The following DAB1 variants were observed in gnomAD, a reference collection of about 807,000 sequenced individuals.
DAB1 encodes disabled homolog 1.
In DAB1, 15 loss-of-function variants were observed where a neutral mutation model predicts 64.6. That is an observed-to-expected ratio of 0.23 (90% CI 0.16 to 0.36). The LOEUF is 0.36. Ranked by LOEUF, DAB1 falls within the 10% of genes least tolerant of loss-of-function variation. DAB1 has a pLI of 1.00. For missense variants in DAB1, 596 were observed against 706.7 expected (o/e 0.84, Z 1.78); for synonymous variants, 235 against 251.9 (o/e 0.93, Z 0.64).
intron 6 of DAB1, among the ~76,000 whole-genome samples, chr1:57,712,396 C>G (rs147124757): frequency 6.6e-6 from 1 of 152,250 alleles, no homozygotes; most frequent in East Asian, 1.9e-4. Context: ...ATCTGTATCA[C>G]AAGGGACAGT....
chr1:58,324,235 C>G (rs1007831226), intron 4 of DAB1, among the ~76,000 whole-genome samples: 2 of 152,122 alleles, frequency 1.3e-5, no homozygotes, highest in Non-Finnish European at 2.9e-5. Context: ...GGTAGACCTC[C>G]TCAAATGCCT....
intron 7 of DAB1, among the ~76,000 whole-genome samples, chr1:57,452,313 T>C (rs1177353026): frequency 6.6e-6 from 1 of 152,028 alleles, no homozygotes; most frequent in African/African-American, 2.4e-5. Context: ...TATTGACTCA[T>C]AGTAACAAAC....
At chr1:57,735,111 A>T (rs1647620739) in intron 6 of DAB1, among the ~76,000 whole-genome samples, 1 of 152,166 alleles carries the variant, frequency 6.6e-6, no homozygotes, top group South Asian at 2.1e-4. Context: ...CAGTCCTTCA[A>T]TTCCCCAATG....
intron 7 of DAB1, among the ~76,000 whole-genome samples, chr1:57,605,060 G>A (rs1645620224): frequency 2.0e-5 from 3 of 152,176 alleles, no homozygotes; most frequent in African/African-American, 4.8e-5. Context: ...AGTTATTTGG[G>A]AAGTGGGGTG....
At chr1:57,169,153 T>C (rs624526) in intron 2 of DAB1, among the ~76,000 whole-genome samples, 92,313 of 151,572 alleles carry the variant, frequency 0.61, 29,224 homozygotes, top group African/African-American at 0.79. Context: ...TAGAAACTGA[T>C]ATACAAAACA....
chr1:58,232,476 T>TAC (rs58863239), intron 4 of DAB1, among the ~76,000 whole-genome samples: 7,440 of 143,932 alleles, frequency 0.052, 269 homozygotes, highest in African/African-American at 0.089. Context: ...TCTGAGTGAA[T>TAC]ACACACACAC....
chr1:57,143,252 A>C (rs553032052), intron 3 of DAB1, among the ~76,000 whole-genome samples: 9 of 152,284 alleles, frequency 5.9e-5, no homozygotes, highest in African/African-American at 2.2e-4. Flanking sequence ...GGAATAGCTC[A>C]TCTCATTCAA....
At chr1:58,433,468 G>C (rs989619398) in intron 3 of DAB1, among the ~76,000 whole-genome samples, 1 of 151,938 alleles carries the variant, frequency 6.6e-6, no homozygotes, top group African/African-American at 2.4e-5. Context: ...CATGGTTCTG[G>C]AGCAGGGAAG....
intron 4 of DAB1, among the ~76,000 whole-genome samples, chr1:58,243,383 T>C (rs1407779920): frequency 6.6e-6 from 1 of 152,170 alleles, no homozygotes; most frequent in African/African-American, 2.4e-5. Context: ...AAATGAATTC[T>C]TTATTTGGTA....
intron 7 of DAB1, among the ~76,000 whole-genome samples, chr1:57,491,300 C>G (rs534871492): frequency 6.6e-6 from 1 of 151,604 alleles, no homozygotes; most frequent in Non-Finnish European, 1.5e-5. Context: ...TGGTGGCAGG[C>G]GCCTGTAGTC....
chr1:57,852,789 C>A (rs1557517294), intron 1 of DAB1, among the ~76,000 whole-genome samples: 1 of 152,062 alleles, frequency 6.6e-6, no homozygotes, highest in Non-Finnish European at 1.5e-5. Flanking sequence ...GTCACACTTA[C>A]ACTTATTATT....
intron 6 of DAB1, among the ~76,000 whole-genome samples, chr1:57,725,796 G>A (rs1647202180): frequency 6.6e-6 from 1 of 151,442 alleles, no homozygotes; most frequent in African/African-American, 2.4e-5. Context: ...CTGTTGCCTA[G>A]GCTGGAGTGC....
At chr1:57,812,983 A>T (rs1020589205) in intron 6 of DAB1, among the ~76,000 whole-genome samples, 1 of 152,180 alleles carries the variant, frequency 6.6e-6, no homozygotes, top group Non-Finnish European at 1.5e-5. Context: ...TCAATCTTCA[A>T]GCTAGTCTTT....
At chr1:57,162,614 A>G (rs1217713441) in intron 2 of DAB1, among the ~76,000 whole-genome samples, 3 of 152,232 alleles carry the variant, frequency 2.0e-5, no homozygotes, top group Non-Finnish European at 2.9e-5. Flanking sequence ...GGTCACCTCC[A>G]TTAGAAAAAA....
At chr1:58,089,538 T>C (rs114723222) in intron 5 of DAB1, among the ~76,000 whole-genome samples, 144 of 152,364 alleles carry the variant, frequency 9.5e-4, no homozygotes, top group Admixed American at 1.8e-3. Flanking sequence ...TTAGAAATCA[T>C]GAGCAATCTG....
chr1:57,593,007 A>G (rs1388205205), intron 7 of DAB1, among the ~76,000 whole-genome samples: 3 of 152,196 alleles, frequency 2.0e-5, no homozygotes, highest in African/African-American at 7.2e-5. Context: ...AGTTCAGTCC[A>G]TAACACTGTC....
At chr1:57,599,182 C>T (rs1182406259) in intron 7 of DAB1, among the ~76,000 whole-genome samples, 2 of 142,184 alleles carry the variant, frequency 1.4e-5, no homozygotes, top group Admixed American at 7.0e-5. Flanking sequence ...TGAGCTTCTT[C>T]TTTTTTTTTT....
At chr1:58,316,389 C>T (rs1216331024) in intron 4 of DAB1, among the ~76,000 whole-genome samples, 1 of 152,002 alleles carries the variant, frequency 6.6e-6, no homozygotes, top group Non-Finnish European at 1.5e-5. Flanking sequence ...TGGGTTTGAT[C>T]CAAGCAAGGA....
intron 7 of DAB1, among the ~76,000 whole-genome samples, chr1:57,605,621 T>C (rs1317667076): frequency 6.6e-6 from 1 of 152,128 alleles, no homozygotes; most frequent in Non-Finnish European, 1.5e-5. Flanking sequence ...TTTATGAGAA[T>C]TCCCTTCCAT....
Sources: allele counts gnomAD v4.1 joint callset (sites outside exome capture counted in the v4.1 genomes callset), GRCh38; gene constraint gnomAD v4.1.1; transcripts MANE v1.5; gene names NCBI Gene and HGNC (gene_info 2026-07-23, HGNC 2026-07-21).